ERC2: variants seen among roughly 807,000 people sequenced by gnomAD.
The protein encoded by ERC2 is ELKS/RAB6-interacting/CAST family member 2.
Under a neutral mutation model 114.8 loss-of-function variants are expected in ERC2, and 42 were observed. That is an observed-to-expected ratio of 0.37 (90% CI 0.29 to 0.47). The LOEUF (loss-of-function observed/expected upper bound fraction) is 0.47, where lower values mean the gene tolerates loss of function less well. Ranked by LOEUF, ERC2 falls within the 20% of genes least tolerant of loss-of-function variation. The probability of loss-of-function intolerance (pLI) is 0.99; values close to 1 mark genes in which losing one functional copy is unlikely to be tolerated. For synonymous variants in ERC2, 454 were observed against 425.5 expected (o/e 1.07, Z -0.82); for missense variants, 939 against 1,150.7 (o/e 0.82, Z 2.66).
At chr3:55,827,324 G>C (rs1003253035) in intron 14 of ERC2, among the ~76,000 whole-genome samples, 8 of 150,084 alleles carry the variant, frequency 5.3e-5, no homozygotes, top group Non-Finnish European at 8.8e-5. Context: ...AAAGAAGAAA[G>C]AGAAAAAGAA....
intron 3 of ERC2, among the ~76,000 whole-genome samples, chr3:56,251,487 T>C (rs2052150403): frequency 1.3e-5 from 2 of 152,032 alleles, no homozygotes; most frequent in Admixed American, 1.3e-4. Flanking sequence ...TGTCCAAAAA[T>C]GTCCAAAGAG....
chr3:55,808,743 A>ATATAT (rs2059598300), intron 14 of ERC2, among the ~76,000 whole-genome samples: 2 of 97,850 alleles, frequency 2.0e-5, no homozygotes, highest in African/African-American at 8.7e-5. Flanking sequence ...ATATATATAT[A>ATATAT]ACGTATAACT....
intron 15 of ERC2, among the ~76,000 whole-genome samples, chr3:55,711,453 C>A (rs2063773959): frequency 1.3e-5 from 2 of 152,310 alleles, no homozygotes; most frequent in African/African-American, 2.4e-5. Context: ...TTACCCTTTA[C>A]AAACAATATC....
intron 7 of ERC2, among the ~76,000 whole-genome samples, chr3:56,052,402 A>T (rs2075816284): frequency 6.6e-6 from 1 of 152,232 alleles, no homozygotes; most frequent in Admixed American, 6.5e-5. Flanking sequence ...TCCCGCCCAC[A>T]GGCCAGTTTC....
chr3:55,755,443 T>G (rs1186712364), intron 14 of ERC2, among the ~76,000 whole-genome samples: 1 of 152,206 alleles, frequency 6.6e-6, no homozygotes, highest in African/African-American at 2.4e-5. Context: ...AGAAGCAAGG[T>G]GACAGCCAAC....
intron 14 of ERC2, among the ~76,000 whole-genome samples, chr3:55,753,083 A>C (rs1455734306): frequency 6.6e-6 from 1 of 152,132 alleles, no homozygotes; most frequent in Non-Finnish European, 1.5e-5. Flanking sequence ...CTCACAATGC[A>C]CACTGCTGGA....
intron 6 of ERC2, among the ~76,000 whole-genome samples, chr3:56,104,432 A>C (rs1158528269): frequency 6.6e-6 from 1 of 152,206 alleles, no homozygotes; most frequent in Admixed American, 6.5e-5. Flanking sequence ...AAAGACCTAT[A>C]AACATTTCAC....
chr3:55,940,116 C>T (rs140989054), intron 13 of ERC2, among the ~76,000 whole-genome samples: 5,168 of 152,218 alleles, frequency 0.034, 119 homozygotes, highest in Non-Finnish European at 0.052. Context: ...CATCCCTGCT[C>T]CTGACCTGCA....
chr3:55,919,254 C>T (rs939900150), intron 13 of ERC2, among the ~76,000 whole-genome samples: 2 of 152,106 alleles, frequency 1.3e-5, no homozygotes, highest in Non-Finnish European at 2.9e-5. Context: ...TGGCACATGC[C>T]TGCAGTCCTA....
chr3:56,229,014 A>G (rs897328700), intron 3 of ERC2, among the ~76,000 whole-genome samples: 1 of 152,130 alleles, frequency 6.6e-6, no homozygotes, highest in Non-Finnish European at 1.5e-5. Context: ...CAATCCTAAT[A>G]TTAATGCATA....
At chr3:56,255,957 G>A (rs1366935945) in intron 3 of ERC2, among the ~76,000 whole-genome samples, 1 of 152,164 alleles carries the variant, frequency 6.6e-6, no homozygotes, top group African/African-American at 2.4e-5. Context: ...CAGGTACATG[G>A]TAAGCTCATT....
rs2065672449 is a variant in ERC2 at position 55,736,957 on chromosome 3, C to T, written c.2565-2039G>A. Among the ~76,000 whole-genome samples the T allele has an allele frequency of 2.0e-5, 3 of 152,140 alleles. No homozygotes were observed. The South Asian group carries it at 6.2e-4, about 32-fold the overall frequency. On this transcript the variant is annotated intron_variant, in intron 14 of 17. Transcript: ENST00000288221. ...TTCCACTGGGAAAGTCTTATCTCCA[C>T]CATTTGTGTCTCTTCTGAAACATTC...
At chr3:55,935,135 C>T (rs1478165470) in intron 13 of ERC2, among the ~76,000 whole-genome samples, 1 of 152,120 alleles carries the variant, frequency 6.6e-6, no homozygotes, top group Non-Finnish European at 1.5e-5. Flanking sequence ...TTTTTTAGAA[C>T]CAAGTCTGGA....
At chr3:56,058,857 T>A (rs186685689) in intron 7 of ERC2, among the ~76,000 whole-genome samples, 9 of 152,232 alleles carry the variant, frequency 5.9e-5, no homozygotes, top group Non-Finnish European at 1.2e-4. Context: ...CAAATCTTTT[T>A]CTTTCTTTCT....
chr3:56,106,207 C>T (rs939398043), intron 6 of ERC2, among the ~76,000 whole-genome samples: 5 of 152,148 alleles, frequency 3.3e-5, no homozygotes, highest in Non-Finnish European at 7.4e-5. Context: ...CCTGCCTGTT[C>T]GCTAGGCAGA....
chr3:55,557,737 GC>G (rs1394246956), intron 17 of ERC2, among the ~76,000 whole-genome samples: 1 of 152,180 alleles, frequency 6.6e-6, no homozygotes, highest in African/African-American at 2.4e-5. Context: ...TCACTCCATG[GC>G]CCCCTCTGCT....
At chr3:55,957,563 G>A (rs2068046272) in intron 12 of ERC2, among the ~76,000 whole-genome samples, 1 of 152,206 alleles carries the variant, frequency 6.6e-6, no homozygotes, top group East Asian at 1.9e-4. Flanking sequence ...CACAAGCAAA[G>A]TGGGTTCGTT....
intron 14 of ERC2, among the ~76,000 whole-genome samples, chr3:55,841,898 C>T (rs1226887785): frequency 4.6e-5 from 7 of 152,268 alleles, no homozygotes; most frequent in Non-Finnish European, 1.0e-4. Flanking sequence ...TACTACATCT[C>T]GTCTTGAAAA....
rs149582461 is a variant in ERC2 at position 55,794,577 on chromosome 3, T to C, written c.2565-59659A>G. Among the ~76,000 whole-genome samples, 460 of 152,354 alleles carry C rather than the reference T, an allele frequency of 3.0e-3. 4 individuals are homozygous for C. Among genetic ancestry groups the C allele is most frequent in the African/African-American group, 0.011 (438 of 41,590 alleles). ...AAGTAAAAAATACAAGAGATGTATG[T>C]CAAAATATGCTTTTTCTTGGTACAA... On this transcript the variant is annotated intron_variant, in intron 14 of 17. Coordinates refer to ENST00000288221, the MANE Select transcript of ERC2 (RefSeq NM_015576.3).
Sources: gnomAD v4.1 joint callset for allele counts (sites outside exome capture counted in the v4.1 genomes callset) on GRCh38, gnomAD v4.1.1 for gene constraint, MANE v1.5 for transcripts, NCBI Gene and HGNC (gene_info 2026-07-23, HGNC 2026-07-21) for gene names.